PTGER3: variants seen among roughly 807,000 people sequenced by gnomAD.
PTGER3 encodes the protein prostaglandin E2 receptor EP3 subtype.
In PTGER3, 22 loss-of-function variants were observed where a neutral mutation model predicts 34.7. The observed-to-expected ratio is 0.63, with a 90% CI of 0.45 to 0.91. The LOEUF (loss-of-function observed/expected upper bound fraction) is 0.91. Ranked by LOEUF, PTGER3 falls within the 40% of genes least tolerant of loss-of-function variation. The probability of loss-of-function intolerance (pLI) is 0.00; values close to 1 mark genes in which losing one functional copy is unlikely to be tolerated. For missense variants in PTGER3, 468 were observed against 519.4 expected, an observed-to-expected ratio of 0.90 and a Z score of 0.96; for synonymous variants, 241 against 230.1, an observed-to-expected ratio of 1.05 and a Z score of -0.43.
At chr1:70,893,402 G>A (rs1344280046) in intron 4 of PTGER3, among the ~76,000 whole-genome samples, 6 of 152,182 alleles carry the variant, frequency 3.9e-5, no homozygotes, top group Admixed American at 6.5e-5. Context: ...GGACTGTGGC[G>A]TGGAGAAAGA....
At chr1:71,039,298 C>A (rs1018525854) in intron 1 of PTGER3, among the ~76,000 whole-genome samples, 1 of 151,890 alleles carries the variant, frequency 6.6e-6, no homozygotes, top group Non-Finnish European at 1.5e-5. Flanking sequence ...TAAAAGGGAA[C>A]AGATTACAGG....
chr1:71,032,671 A>T (rs879448981), intron 1 of PTGER3, among the ~76,000 whole-genome samples: 1 of 152,210 alleles, frequency 6.6e-6, no homozygotes, highest in African/African-American at 2.4e-5. Flanking sequence ...CATCTTCTAT[A>T]AGGCCACCTC....
rs974128495 is a variant in PTGER3, at chr1:70,930,804, A to G, written c.*23+22959T>C. Among the ~76,000 whole-genome samples, 10 of 152,276 alleles carry G rather than the reference A, an allele frequency of 6.6e-5. No homozygotes were observed. The East Asian group carries it at 1.2e-3, about 18-fold the overall frequency. ...AGAACACGGGAATTATGGGAGTACA[A>G]TTAAAGATGAGATTTGGGTGGGGAC... On this transcript the variant is annotated intron_variant, in intron 4 of 4. Transcript: ENST00000370931.
chr1:71,004,567 T>A (rs1656772658), intron 2 of PTGER3, among the ~76,000 whole-genome samples: 1 of 152,204 alleles, frequency 6.6e-6, no homozygotes, highest in Admixed American at 6.5e-5. Context: ...ATAAATTAGT[T>A]TTCTCCTTCG....
chr1:70,966,872 C>T (rs1652578920), downstream of PTGER3, among the ~76,000 whole-genome samples: 1 of 151,970 alleles, frequency 6.6e-6, no homozygotes, highest in African/African-American at 2.4e-5. Flanking sequence ...GTGTTGGTTC[C>T]ATGTCTTTGC....
At chr1:70,865,795 T>A in intron 4 of PTGER3, 3 of 1,366,952 alleles carry the variant, frequency 2.2e-6, no homozygotes, top group Non-Finnish European at 2.0e-6. Context: ...CACAGAACCT[T>A]GAAGGATCAA....
intron 2 of PTGER3, among the ~76,000 whole-genome samples, chr1:70,981,249 T>C (rs1362670182): frequency 6.6e-6 from 1 of 151,960 alleles, no homozygotes; most frequent in Non-Finnish European, 1.5e-5. Context: ...TTTTTCTTTC[T>C]CCTTTTTTTT....
chr1:70,902,906 C>T (rs780821268), intron 4 of PTGER3, among the ~76,000 whole-genome samples: 23 of 152,116 alleles, frequency 1.5e-4, no homozygotes, highest in Non-Finnish European at 3.1e-4. Flanking sequence ...ATGCTGGCCC[C>T]CCAAAAGATA....
At chr1:70,899,755 A>G (rs1157304155) in intron 4 of PTGER3, among the ~76,000 whole-genome samples, 2 of 152,102 alleles carry the variant, frequency 1.3e-5, no homozygotes, top group Admixed American at 1.3e-4. Context: ...GTTTGTTACA[A>G]TAACCCCCAT....
intron 2 of PTGER3, chr1:71,011,689 T>C (rs1348244420): frequency 1.0e-6 from 1 of 975,100 alleles, no homozygotes; most frequent in African/African-American, 1.8e-5. Flanking sequence ...TTGAGCAATA[T>C]TTGAATAATG....
chr1:70,860,667 A>T (rs1048079861), intron 4 of PTGER3, among the ~76,000 whole-genome samples: 3 of 152,208 alleles, frequency 2.0e-5, no homozygotes, highest in African/African-American at 7.2e-5. Flanking sequence ...TTCAATAGTC[A>T]TCATTTCACT....
intron 2 of PTGER3, among the ~76,000 whole-genome samples, chr1:70,994,413 C>G (rs1006238545): frequency 6.6e-6 from 1 of 152,016 alleles, no homozygotes; most frequent in African/African-American, 2.4e-5. Flanking sequence ...TTTACGGAAA[C>G]ATGTAGTGTA....
chr1:71,036,427 G>A (rs1454984697), intron 1 of PTGER3, among the ~76,000 whole-genome samples: 2 of 152,132 alleles, frequency 1.3e-5, no homozygotes, highest in Non-Finnish European at 2.9e-5. Context: ...TGAGGCTGGA[G>A]GATCACTTGA....
At chr1:70,902,041 A>C (rs1450763805) in intron 4 of PTGER3, among the ~76,000 whole-genome samples, 1 of 152,200 alleles carries the variant, frequency 6.6e-6, no homozygotes, top group East Asian at 1.9e-4. Flanking sequence ...GTTATTACTG[A>C]CAGTGAAGGT....
chr1:70,869,315 A>G (rs1325989149), intron 4 of PTGER3: 2 of 471,292 alleles, frequency 4.2e-6, no homozygotes, highest in South Asian at 3.1e-5. Flanking sequence ...ATCAGGCCCC[A>G]TCTCCTACAT....
downstream of PTGER3, among the ~76,000 whole-genome samples, chr1:70,969,252 C>T (rs561487854): frequency 2.0e-5 from 3 of 152,076 alleles, no homozygotes; most frequent in Admixed American, 1.3e-4. Context: ...TGTGATTATT[C>T]TCCCTGGATG....
At chr1:70,878,926 G>C (rs913542740) in intron 4 of PTGER3, among the ~76,000 whole-genome samples, 1 of 152,160 alleles carries the variant, frequency 6.6e-6, no homozygotes, top group Non-Finnish European at 1.5e-5. Flanking sequence ...GCTATGTGCA[G>C]ATAGGAAAAA....
chr1:70,861,901 G>T (rs1645936017), intron 4 of PTGER3, among the ~76,000 whole-genome samples: 1 of 151,730 alleles, frequency 6.6e-6, no homozygotes, highest in African/African-American at 2.4e-5. Flanking sequence ...TTTCATAATA[G>T]CTTACTGTTT....
At chr1:71,002,939 T>C (rs1656621850) in intron 2 of PTGER3, among the ~76,000 whole-genome samples, 1 of 152,224 alleles carries the variant, frequency 6.6e-6, no homozygotes. Context: ...TGTGTATCTG[T>C]CCAATTCATG....
Sources: allele counts gnomAD v4.1 joint callset (sites outside exome capture counted in the v4.1 genomes callset), GRCh38; gene constraint gnomAD v4.1.1; transcripts MANE v1.5; gene names NCBI Gene and HGNC (gene_info 2026-07-23, HGNC 2026-07-21).